C17orf107: variants seen among roughly 807,000 people sequenced by gnomAD.
C17orf107 encodes chromosome 17 open reading frame 107, also known as uncharacterized protein C17orf107.
C17orf107 carries 9 observed loss-of-function variants against 8.9 expected under a neutral mutation model. That is an observed-to-expected ratio of 1.02 (90% CI 0.61 to 1.77). The LOEUF (loss-of-function observed/expected upper bound fraction) is 1.77. Ranked by LOEUF, C17orf107 falls within the 40% of genes most tolerant of loss-of-function variation. The pLI is 0.00. For synonymous variants in C17orf107, 139 were observed against 120.3 expected (o/e 1.16, Z -1.02); for missense variants, 281 against 249.0 (o/e 1.13, Z -0.86).
chr17:4,901,873 C>CCCCCCCAAAGG lies in C17orf107; in HGVS notation c.*1340_*1341insCCCCCCAAAGG. On this transcript the variant is annotated 3_prime_UTR_variant, in exon 3 of 3. Coordinates refer to ENST00000381365, the MANE Select transcript of C17orf107 (RefSeq NM_001145536.2). ...GAGGGCGGTGCTTCCCGGTTGGCCC[C>CCCCCCCAAAGG]GCCCCATAAGGCCCCCCCCCAACAA... The CCCCCCCAAAGG allele has an allele frequency of 6.8e-7, 1 of 1,476,120 alleles. No homozygotes were observed. The highest frequency in any genetic ancestry group is 9.4e-7 in the Non-Finnish European group (1 of 1,061,232). 91.4% of individuals were successfully genotyped at this position (1,476,120 alleles called of 1,614,324 possible).
chr17:4,904,605 A>T (rs1970066826), downstream of C17orf107, among the ~76,000 whole-genome samples: 1 of 152,236 alleles, frequency 6.6e-6, no homozygotes, highest in Admixed American at 6.5e-5. Flanking sequence ...CACTGTCCTG[A>T]ATACATGAAA....
chr17:4,901,590 G>C lies in C17orf107; in HGVS notation c.*1057G>C. The C allele has an allele frequency of 6.2e-7, 1 of 1,614,172 alleles. No individual in the cohort carries two copies. Among genetic ancestry groups the C allele is most frequent in the South Asian group, 1.1e-5 (1 of 91,090 alleles). On this transcript the variant is annotated 3_prime_UTR_variant, in exon 3 of 3. Transcript: ENST00000381365. Reference sequence around the variant, plus strand: ...CTTGCCGTCGTTGTCTACGGCAAAAGTGAACTCCACCTCTTCGGCATTGTA... The same window carrying C: ...CTTGCCGTCGTTGTCTACGGCAAAACTGAACTCCACCTCTTCGGCATTGTA...
Position 4,901,302 on chromosome 17 carries a change from A to T in C17orf107, c.*769A>T. On this transcript the variant is annotated 3_prime_UTR_variant, in exon 3 of 3. Transcript: ENST00000381365. ...TGCACCAGGGTCATGGGCCGTCAGGATGGGGGCAATTACGGACAGAAAAGG... is the reference window on the plus strand; with the variant it reads ...TGCACCAGGGTCATGGGCCGTCAGGTTGGGGGCAATTACGGACAGAAAAGG... 2.4e-6 allele frequency: 3 copies of T among 1,224,542 alleles called. No homozygotes were observed. The highest frequency in any genetic ancestry group is 3.5e-6 in the Non-Finnish European group (3 of 857,238). 75.9% of individuals were successfully genotyped at this position (1,224,542 alleles called of 1,614,324 possible).
Position 4,900,528 on chromosome 17 carries a change from A to C in C17orf107, c.568A>C (p.Ser190Arg), listed in dbSNP as rs1969946644. ...GEPVSSGHGV[S>R] is the part of the protein sequence containing the mutation. ...ACCGGTGAGCTCAGGACACGGGGTG[A>C]GTTAGGGGCCAGAGGCGGCGGGGCT... Residue 190 changes from serine to arginine, a missense_variant, in exon 3 of 3, where the codon AGT becomes CGT. By Grantham distance (110) the Ser-to-Arg change is moderately radical (BLOSUM62 -1). Transcript: ENST00000381365. 3 of 1,550,578 alleles carry C rather than the reference A, an allele frequency of 1.9e-6. No individual in the cohort carries two copies. The East Asian group carries it at 7.3e-5, about 38-fold the overall frequency.
At chr17:4,902,969 A>T (rs1198707004), downstream of C17orf107, 1 of 1,611,590 alleles carries the variant, frequency 6.2e-7, no homozygotes, top group Non-Finnish European at 8.5e-7. The surrounding 1 kb of genome is among the most constrained non-coding windows in gnomAD (Gnocchi z 4.0). Flanking sequence ...CAGTCCCTTC[A>T]TGTCAGTATC....
Position 4,901,486 on chromosome 17 carries a change from G to A in C17orf107, c.*953G>A, listed in dbSNP as rs757064307. 18 of 1,589,956 alleles carry A rather than the reference G, an allele frequency of 1.1e-5. No individual in the cohort carries two copies. The highest frequency in any genetic ancestry group is 1.7e-5 in the Admixed American group (1 of 59,970). On this transcript the variant is annotated 3_prime_UTR_variant, in exon 3 of 3. Transcript: ENST00000381365. ...CGTGGAAGTCCCCTCTCTGGACCCCGTCTAGAAGCGGGTTTTTCTGAGCAG... is the reference window on the plus strand; with the variant it reads ...CGTGGAAGTCCCCTCTCTGGACCCCATCTAGAAGCGGGTTTTTCTGAGCAG...
At position 4,901,497 on chromosome 17, in the gene C17orf107, G is replaced by C. The variant is rs779718682; in HGVS notation, c.*964G>C. ...CCTCTCTGGACCCCGTCTAGAAGCG[G>C]GTTTTTCTGAGCAGGCAGGGGCTTC... On this transcript the variant is annotated 3_prime_UTR_variant, in exon 3 of 3. Coordinates refer to ENST00000381365, the MANE Select transcript of C17orf107 (RefSeq NM_001145536.2). 2 of 1,605,552 alleles carry C rather than the reference G, an allele frequency of 1.2e-6. No individual in the cohort carries two copies. The highest frequency in any genetic ancestry group is 8.5e-7 in the Non-Finnish European group (1 of 1,172,170).
At chr17:4,906,440 C>T (rs577894511), downstream of C17orf107, among the ~76,000 whole-genome samples, 1 of 152,252 alleles carries the variant, frequency 6.6e-6, no homozygotes. Flanking sequence ...ACTCTATCCT[C>T]CCCAGCAGGA....
chr17:4,904,892 C>T (rs1023022411), downstream of C17orf107, among the ~76,000 whole-genome samples: 2 of 152,188 alleles, frequency 1.3e-5, no homozygotes, highest in Non-Finnish European at 2.9e-5. Flanking sequence ...CCTTATCAAC[C>T]CCACGATTTC....
In C17orf107 at chr17:4,901,147, G is replaced by A. The variant is rs2151097437; in HGVS notation, c.*614G>A. The A allele has an allele frequency of 6.2e-7, 1 of 1,611,232 alleles. No individual in the cohort carries two copies. Among genetic ancestry groups the A allele is most frequent in the Non-Finnish European group, 8.5e-7 (1 of 1,179,918 alleles). On this transcript the variant is annotated 3_prime_UTR_variant, in exon 3 of 3. Coordinates refer to ENST00000381365, the MANE Select transcript of C17orf107 (RefSeq NM_001145536.2). ...CGTCGGTGGCGCCACCGTGGTGGCGGCGGATCACCCCCGGGCAGAAGTCGA... is the reference window on the plus strand; with the variant it reads ...CGTCGGTGGCGCCACCGTGGTGGCGACGGATCACCCCCGGGCAGAAGTCGA...
chr17:4,900,769 C>T lies in C17orf107; in HGVS notation c.*236C>T. The T allele has an allele frequency of 6.2e-7, 1 of 1,602,794 alleles. No individual in the cohort carries two copies. Among genetic ancestry groups the T allele is most frequent in the Non-Finnish European group, 8.5e-7 (1 of 1,173,248 alleles). On this transcript the variant is annotated 3_prime_UTR_variant, in exon 3 of 3. Coordinates refer to ENST00000381365, the MANE Select transcript of C17orf107 (RefSeq NM_001145536.2). ...GCCCCCACCCTTCACACTGGCCACA[C>T]CCCCGCGGGGGCTCCGGCTTCACCT... is the stretch of plus-strand genomic sequence containing the variant.
rs1970013200 is a variant in C17orf107 at position 4,902,159 on chromosome 17, G to C, written c.*1626G>C. ...TCAGAGTACCCCCTTCCCCAACCAA[G>C]TCCAGCCCGCACCCCAGGCCGGCTT... On this transcript the variant is annotated 3_prime_UTR_variant, in exon 3 of 3. Transcript: ENST00000381365. This position sits in a 1 kb window ranked among gnomAD's most constrained non-coding sequence, Gnocchi z 4.0. The C allele has an allele frequency of 6.2e-7, 1 of 1,613,764 alleles. No individual in the cohort carries two copies. The highest frequency in any genetic ancestry group is 1.3e-5 in the African/African-American group (1 of 75,016).
rs1484692721 is a variant in C17orf107, at chr17:4,900,267, C to T, written c.307C>T (p.Arg103Trp). The change falls in exon 3 of 3, where the codon CGG becomes TGG. Residue 103 changes from arginine to tryptophan, a missense_variant. By Grantham distance (101) the Arg-to-Trp change is moderately radical (BLOSUM62 -3). Transcript: ENST00000381365. ...ISALWLQQEA[R>W]RLDGSAGPAP... ...AGCCCTGTGGCTGCAGCAGGAGGCG[C>T]GGCGACTAGACGGCAGCGCGGGCCC... The T allele has an allele frequency of 7.1e-6, 11 of 1,546,008 alleles. No individual in the cohort carries two copies. In the South Asian group the frequency reaches 9.5e-5, roughly 13 times the overall value.
rs756521709 is a variant in C17orf107, at chr17:4,902,534, G to A, written c.*2001G>A. The A allele has an allele frequency of 3.1e-6, 5 of 1,614,128 alleles. No individual in the cohort carries two copies. Among genetic ancestry groups the A allele is most frequent in the Non-Finnish European group, 4.2e-6 (5 of 1,180,008 alleles). On this transcript the variant is annotated 3_prime_UTR_variant, in exon 3 of 3. Transcript: ENST00000381365. The surrounding 1 kb of genome is among the most constrained non-coding windows in gnomAD (Gnocchi z 4.0). ...TGGGGATGATTGAAGTGAGATTTCA[G>A]GGCCAGAAGTGAGCTTTAGGACAGA...
rs1970035342 is a variant in C17orf107, at chr17:4,902,867, C to T, written c.*2334C>T. 1.1e-5 allele frequency: 18 copies of T among 1,581,588 alleles called. No homozygotes were observed. The highest frequency in any genetic ancestry group is 1.4e-5 in the Non-Finnish European group (16 of 1,151,568). On this transcript the variant is annotated 3_prime_UTR_variant, in exon 3 of 3. Transcript: ENST00000381365. This position sits in a 1 kb window ranked among gnomAD's most constrained non-coding sequence, Gnocchi z 4.0. ...CCTCACAGGCCTCTGAGGCTGTGTACTATCAGTATCTGTCTCCTAAACCAA... is the reference window on the plus strand; with the variant it reads ...CCTCACAGGCCTCTGAGGCTGTGTATTATCAGTATCTGTCTCCTAAACCAA...
In C17orf107 at chr17:4,900,478, A is replaced by C; in HGVS notation, c.518A>C (p.Gln173Pro). Reference sequence around the variant, plus strand: ...TCATTCCTGCGACAGTCGCAACAGCAGCTAGGCCTCGGAATCCCCGGAGAA... The same window carrying C: ...TCATTCCTGCGACAGTCGCAACAGCCGCTAGGCCTCGGAATCCCCGGAGAA... ...SASFLRQSQQ[Q>P]LGLGIPGEPV... The change falls in exon 3 of 3, where the codon CAG becomes CCG. Residue 173 changes from glutamine to proline, a missense_variant. Transcript: ENST00000381365. The C allele has an allele frequency of 1.9e-6, 3 of 1,551,102 alleles. No homozygotes were observed. The highest frequency in any genetic ancestry group is 2.6e-6 in the Non-Finnish European group (3 of 1,146,988).
rs1202072908 is a variant in C17orf107 at position 4,902,215 on chromosome 17, A to C, written c.*1682A>C. ...CAGCCTGGCGTCTGGCCCGGTTCTC[A>C]CTTGTTTTCCAGCACAATCTCTGGC... On this transcript the variant is annotated 3_prime_UTR_variant, in exon 3 of 3. Coordinates refer to ENST00000381365, the MANE Select transcript of C17orf107 (RefSeq NM_001145536.2). The surrounding 1 kb of genome is among the most constrained non-coding windows in gnomAD (Gnocchi z 4.0). 3.1e-6 allele frequency: 5 copies of C among 1,613,572 alleles called. No individual in the cohort carries two copies. Among genetic ancestry groups the C allele is most frequent in the African/African-American group, 1.3e-5 (1 of 74,768 alleles).
chr17:4,903,040 G>C (rs147811172), downstream of C17orf107: 1 of 1,614,032 alleles, frequency 6.2e-7, no homozygotes, highest in South Asian at 1.1e-5. Flanking sequence ...AGAGGAGCAG[G>C]ACCCCAAGCG....
chr17:4,900,179 T>A, intron 2 of C17orf107, 34 bp downstream of exon 2: 1 of 1,544,948 alleles, frequency 6.5e-7, no homozygotes, highest in African/African-American at 1.4e-5. Context: ...TACGCGGCGA[T>A]CGGGTAGCGG....
Sources: gnomAD v4.1 joint callset for allele counts (sites outside exome capture counted in the v4.1 genomes callset) on GRCh38, gnomAD v4.1.1 for gene constraint, Gnocchi (gnomAD v3.1) non-coding constraint, MANE v1.5 for transcripts, NCBI Gene and HGNC (gene_info 2026-07-23, HGNC 2026-07-21) for gene names.